The following FAM200B variants were observed in gnomAD, a reference collection of about 807,000 sequenced individuals.
FAM200B encodes the protein protein FAM200B.
In FAM200B, 32 loss-of-function variants were observed where a neutral mutation model predicts 33.1. That is an observed-to-expected ratio of 0.97 (90% CI 0.73 to 1.30). The LOEUF is 1.30. Ranked by LOEUF, FAM200B falls within the 50% of genes most tolerant of loss-of-function variation. The probability of loss-of-function intolerance (pLI) is 0.00; values close to 1 mark genes in which losing one functional copy is unlikely to be tolerated. For missense variants in FAM200B, 741 were observed against 754.0 expected, an observed-to-expected ratio of 0.98 and a Z score of 0.20; for synonymous variants, 240 against 264.8, an observed-to-expected ratio of 0.91 and a Z score of 0.91.
In FAM200B at chr4:15,688,919, G is replaced by A. The variant is rs1300885091; in HGVS notation, c.1942G>A (p.Glu648Lys). 1 of 1,525,138 alleles carries A rather than the reference G, an allele frequency of 6.6e-7. No individual in the cohort carries two copies. The highest frequency in any genetic ancestry group is 1.4e-5 in the African/African-American group (1 of 72,422). 94.5% of individuals were successfully genotyped at this position (1,525,138 alleles called of 1,614,324 possible). The change falls in exon 2 of 2, where the codon GAA becomes AAA. Residue 648 changes from glutamate to lysine, a missense_variant. By Grantham distance (56) the Glu-to-Lys change is moderately conservative (BLOSUM62 1). Transcript: ENST00000422728. Reference protein sequence around the residue: ...ALSSCVPDWNELMNRQAHPS With the variant: ...ALSSCVPDWNKLMNRQAHPS The stretch of plus-strand genomic sequence containing the variant: ...ATCTTCCTGTGTTCCAGACTGGAAT[G>A]AACTTATGAACAGGCAAGCACACCC...
At chr4:15,654,193 T>A in the FAM200B span, among the ~76,000 whole-genome samples, 2 of 152,238 alleles carry the variant, frequency 1.3e-5, no homozygotes, top group Non-Finnish European at 2.9e-5. Flanking sequence ...CTATGCAATT[T>A]CTGAGAATTC....
At chr4:15,656,310 C>T in the FAM200B span, 12 of 456,098 alleles carry the variant, frequency 2.6e-5, no homozygotes, top group Middle Eastern at 3.2e-4. Context: ...CTGCTCACGC[C>T]GGTCAGTCTT....
chr4:15,644,160 T>G, the FAM200B span, among the ~76,000 whole-genome samples: 1 of 152,238 alleles, frequency 6.6e-6, no homozygotes, highest in Non-Finnish European at 1.5e-5. Context: ...CCTCTTGCCT[T>G]CAGCAAGAAT....
chr4:15,640,393 GA>G, the FAM200B span, among the ~76,000 whole-genome samples: 32 of 91,598 alleles, frequency 3.5e-4, no homozygotes, highest in South Asian at 1.2e-3. Flanking sequence ...CTACACTACT[GA>G]AAAAAAAAAA....
the FAM200B span, chr4:15,656,125 G>T: frequency 2.2e-6 from 1 of 454,712 alleles, no homozygotes; most frequent in African/African-American, 2.0e-5. Context: ...CGGGCCTTGG[G>T]GGTGGGGAGA....
chr4:15,651,566 AG>A, the FAM200B span, among the ~76,000 whole-genome samples: 41 of 152,200 alleles, frequency 2.7e-4, no homozygotes, highest in Non-Finnish European at 1.0e-4. Context: ...AAATTGTTAC[AG>A]GTATGCAGAA....
At chr4:15,645,328 T>C in the FAM200B span, among the ~76,000 whole-genome samples, 73 of 152,310 alleles carry the variant, frequency 4.8e-4, no homozygotes, top group Non-Finnish European at 1.0e-3. Context: ...GGATTATGCA[T>C]TTTAAGAGTC....
chr4:15,687,249 A>G lies in FAM200B; in HGVS notation c.272A>G (p.Asn91Ser). 1 of 1,545,968 alleles carries G rather than the reference A, an allele frequency of 6.5e-7. No individual in the cohort carries two copies. Among genetic ancestry groups the G allele is most frequent in the East Asian group, 2.5e-5 (1 of 40,802 alleles). Residue 91 changes from asparagine to serine, a missense_variant, in exon 2 of 2, where the codon AAT becomes AGT. Physicochemically the swap from Asn to Ser is conservative, Grantham distance 46. Transcript: ENST00000422728. The stretch of plus-strand genomic sequence containing the variant: ...AGACCTCAGTGTGTTATTTGTAATA[A>G]TATTCTTGCGAATGAAAGCTTAAAA... Reference protein sequence around the residue: ...NDRPQCVICNNILANESLKPS... With the variant: ...NDRPQCVICNSILANESLKPS...
At chr4:15,673,420 A>C in the FAM200B span, among the ~76,000 whole-genome samples, 16 of 152,260 alleles carry the variant, frequency 1.1e-4, no homozygotes, top group African/African-American at 3.4e-4. Context: ...CACCCTGGGC[A>C]ACAGAGTGAG....
the FAM200B span, among the ~76,000 whole-genome samples, chr4:15,657,008 G>A: frequency 6.7e-6 from 1 of 150,026 alleles, no homozygotes; most frequent in Non-Finnish European, 1.5e-5. Flanking sequence ...TCTGTCTTAA[G>A]AAGCAGGAAT....
rs1450588299 is a variant in FAM200B, at chr4:15,684,509, A to G, written c.-742-1727A>G. Reference sequence around the variant, plus strand: ...TAGGGAGAGGTGGCAGAAGGACAAAATTGTAGTAGTTTGAGGTTTCTTGGG... The same window carrying G: ...TAGGGAGAGGTGGCAGAAGGACAAAGTTGTAGTAGTTTGAGGTTTCTTGGG... On this transcript the variant is annotated intron_variant, in intron 1 of 1. Coordinates refer to ENST00000422728, the MANE Select transcript of FAM200B (RefSeq NM_001145191.2). Among the ~76,000 whole-genome samples the G allele has an allele frequency of 2.0e-5, 3 of 152,220 alleles. No homozygotes were observed. In the East Asian group the frequency reaches 5.8e-4, roughly 29 times the overall value.
chr4:15,689,041 G>C lies in FAM200B; in HGVS notation c.*90G>C. The C allele has an allele frequency of 1.1e-6, 1 of 936,020 alleles. No homozygotes were observed. Among genetic ancestry groups the C allele is most frequent in the Non-Finnish European group, 1.4e-6 (1 of 695,076 alleles). 58.0% of individuals were successfully genotyped at this position (936,020 alleles called of 1,614,324 possible). ...TATTTAAATGGTACTATAATACTGT[G>C]ATACTTTTGTTATGTTTTAATTTTT... On this transcript the variant is annotated 3_prime_UTR_variant, in exon 2 of 2. Transcript: ENST00000422728.
chr4:15,638,452 T>C, the FAM200B span: 1 of 1,312,748 alleles, frequency 7.6e-7, no homozygotes, highest in Non-Finnish European at 1.0e-6. Context: ...TTCATATCAG[T>C]AAGATGTCAA....
the FAM200B span, among the ~76,000 whole-genome samples, chr4:15,647,000 A>AT: frequency 6.6e-6 from 1 of 151,906 alleles, no homozygotes; most frequent in African/African-American, 2.4e-5. Context: ...AGGTGAGTGG[A>AT]TTACCTGAGG....
chr4:15,658,706 A>T, the FAM200B span, among the ~76,000 whole-genome samples: 1 of 152,216 alleles, frequency 6.6e-6, no homozygotes, highest in Admixed American at 6.5e-5. Flanking sequence ...TTTTCTTTAT[A>T]AATTACCCAG....
chr4:15,644,448 G>C, the FAM200B span: 2 of 1,510,092 alleles, frequency 1.3e-6, no homozygotes, highest in Non-Finnish European at 1.8e-6. Context: ...TATACCAGAA[G>C]ATGGCACAAG....
At chr4:15,642,128 A>C in the FAM200B span, among the ~76,000 whole-genome samples, 4 of 152,118 alleles carry the variant, frequency 2.6e-5, no homozygotes, top group Non-Finnish European at 5.9e-5. Flanking sequence ...AACTCATTCT[A>C]ATTCTGGGCA....
At chr4:15,656,586 T>C in the FAM200B span, among the ~76,000 whole-genome samples, 2 of 152,222 alleles carry the variant, frequency 1.3e-5, no homozygotes, top group Non-Finnish European at 2.9e-5. Flanking sequence ...GTTCTAATCT[T>C]ATATTACTAT....
Position 15,689,067 on chromosome 4 carries a change from G to C in FAM200B, c.*116G>C. 7.5e-6 allele frequency: 6 copies of C among 799,900 alleles called. No homozygotes were observed. The highest frequency in any genetic ancestry group is 1.0e-5 in the Non-Finnish European group (6 of 575,186). 49.6% of individuals were successfully genotyped at this position (799,900 alleles called of 1,614,324 possible). ...ATACTTTTGTTATGTTTTAATTTTT[G>C]TTATATTTAATAAAATTATTTTATG... On this transcript the variant is annotated 3_prime_UTR_variant, in exon 2 of 2. Transcript: ENST00000422728.
Sources: allele counts gnomAD v4.1 joint callset (sites outside exome capture counted in the v4.1 genomes callset), GRCh38; gene constraint gnomAD v4.1.1; transcripts MANE v1.5; gene names NCBI Gene and HGNC (gene_info 2026-07-23, HGNC 2026-07-21).